CCDC7: variants seen among roughly 807,000 people sequenced by gnomAD.
The protein encoded by CCDC7 is coiled-coil domain-containing protein 7.
A neutral mutation model predicts 196.9 loss-of-function variants in CCDC7; 183 were observed. The ratio of observed to expected loss-of-function variants is 0.93; its 90% CI spans 0.82 to 1.05. The LOEUF is 1.05. Among genes scored for constraint, CCDC7 ranks in the 50% least tolerant of loss-of-function variants. CCDC7 has a pLI of 0.00. For synonymous variants in CCDC7, 525 were observed against 484.6 expected (o/e 1.08, Z -1.10); for missense variants, 1,540 against 1,482.2 (o/e 1.04, Z -0.64).
chr10:32,634,333 A>G (rs1369237291), exon 19 of CCDC7: 1 of 1,189,012 alleles, frequency 8.4e-7, no homozygotes, highest in East Asian at 3.2e-5. Context: ...AACAAATGAA[A>G]CAAAGAACTT....
At chr10:32,471,111 C>A in exon 6 of CCDC7, 3 of 1,611,604 alleles carry the variant, frequency 1.9e-6, no homozygotes, top group Non-Finnish European at 2.5e-6. Context: ...CAAAACCTGA[C>A]AAAACAGTCA....
intron 20 of CCDC7, among the ~76,000 whole-genome samples, chr10:32,650,873 G>A (rs2068633665): frequency 6.6e-6 from 1 of 152,274 alleles, no homozygotes; most frequent in Non-Finnish European, 1.5e-5. Flanking sequence ...GGGCAGTGGA[G>A]GCTGCATTAT....
intron 18 of CCDC7, 48 bp from the exon 20 acceptor site, chr10:32,634,206 A>C: frequency 1.2e-6 from 1 of 835,670 alleles, no homozygotes; most frequent in East Asian, 3.4e-5. Flanking sequence ...AGATTTCACA[A>C]TAGAGCTCTT....
Position 32,511,799 on chromosome 10 carries a change from CGACAAT to C in CCDC7, c.873-6142_873-6137del. The C allele has an allele frequency of 2.5e-6, 3 of 1,187,698 alleles. No homozygotes were observed. The East Asian group carries it at 7.4e-5, about 29-fold the overall frequency. 73.6% of individuals were successfully genotyped at this position (1,187,698 alleles called of 1,614,324 possible). A position where few individuals can be genotyped will look rare whatever the true frequency, so the allele number is the denominator to read the frequency against. The stretch of plus-strand genomic sequence containing the variant: ...CCGGAAAGCGGTCGGGCAACGATGA[CGACAAT>C]GACGCGCCAGCTCTGCCCGCGCCAC... On this transcript the variant is annotated intron_variant, in intron 9 of 41. Coordinates refer to ENST00000639629, the Ensembl canonical transcript of CCDC7.
chr10:32,640,060 C>T (rs1162457423), intron 20 of CCDC7, among the ~76,000 whole-genome samples: 1 of 152,130 alleles, frequency 6.6e-6, no homozygotes, highest in Non-Finnish European at 1.5e-5. Flanking sequence ...ATTAGGTCTT[C>T]TTGGTGCAGA....
At chr10:32,607,060 G>C (rs1159137511) in intron 18 of CCDC7, among the ~76,000 whole-genome samples, 1 of 152,132 alleles carries the variant, frequency 6.6e-6, no homozygotes, top group African/African-American at 2.4e-5. Flanking sequence ...CCCGTGGCTT[G>C]GTGCCGTTCT....
chr10:32,524,070 T>G (rs1359330499), intron 11 of CCDC7, among the ~76,000 whole-genome samples: 3 of 88,900 alleles, frequency 3.4e-5, no homozygotes, highest in South Asian at 3.3e-4. Flanking sequence ...CTTCCTTCTG[T>G]CTTTTTTTTT....
intron 11 of CCDC7, among the ~76,000 whole-genome samples, chr10:32,527,369 AG>A (rs2048839057): frequency 6.6e-6 from 1 of 152,210 alleles, no homozygotes; most frequent in Non-Finnish European, 1.5e-5. Flanking sequence ...AGTTAAAACG[AG>A]GAACTGCGAT....
At chr10:32,452,231 T>G (rs2033260101) in intron 1 of CCDC7, among the ~76,000 whole-genome samples, 1 of 152,192 alleles carries the variant, frequency 6.6e-6, no homozygotes, top group Non-Finnish European at 1.5e-5. Flanking sequence ...TACTATTCAC[T>G]CTGTGCTTAG....
chr10:32,644,110 TG>T (rs1236047651), intron 20 of CCDC7, among the ~76,000 whole-genome samples: 1 of 152,176 alleles, frequency 6.6e-6, no homozygotes, highest in Non-Finnish European at 1.5e-5. Context: ...GGGTACAATA[TG>T]GTGTTTTAGT....
At chr10:32,751,779 A>T (rs190560623) in intron 28 of CCDC7, among the ~76,000 whole-genome samples, 1 of 152,198 alleles carries the variant, frequency 6.6e-6, no homozygotes, top group East Asian at 1.9e-4. Context: ...ATAGGCATGA[A>T]CTCATTATGA....
chr10:32,671,103 G>A (rs931626571), intron 21 of CCDC7, among the ~76,000 whole-genome samples: 2 of 152,126 alleles, frequency 1.3e-5, no homozygotes, highest in Admixed American at 6.6e-5. Flanking sequence ...AAAATTTAGT[G>A]TAACCCAAGT....
intron 9 of CCDC7, 105 bp downstream of exon 10, chr10:32,492,102 C>G: frequency 8.9e-7 from 1 of 1,124,534 alleles, no homozygotes; most frequent in Non-Finnish European, 1.2e-6. Flanking sequence ...AAAGTTAGTA[C>G]GTGTTTATTG....
At chr10:32,729,772 AAC>A (rs928285702) in intron 28 of CCDC7, among the ~76,000 whole-genome samples, 3 of 152,250 alleles carry the variant, frequency 2.0e-5, no homozygotes, top group South Asian at 2.1e-4. Context: ...TTCTTCAAAA[AAC>A]AGTTTTTTCC....
At chr10:32,505,192 A>T (rs552400073) in intron 9 of CCDC7, among the ~76,000 whole-genome samples, 2 of 151,060 alleles carry the variant, frequency 1.3e-5, no homozygotes, top group South Asian at 2.1e-4. Context: ...TTATTTATTT[A>T]TTTTTTAGTA....
At chr10:32,752,745 A>G (rs986392236) in intron 28 of CCDC7, among the ~76,000 whole-genome samples, 1 of 152,224 alleles carries the variant, frequency 6.6e-6, no homozygotes, top group Non-Finnish European at 1.5e-5. Flanking sequence ...CAATGATATT[A>G]CATATCTGTA....
At chr10:32,547,506 G>A (rs1376847828) in intron 13 of CCDC7, among the ~76,000 whole-genome samples, 2 of 151,978 alleles carry the variant, frequency 1.3e-5, no homozygotes, top group Non-Finnish European at 2.9e-5. Context: ...ACACTCAGAG[G>A]GGCTGGATTA....
intron 16 of CCDC7, 141 bp downstream of exon 17, chr10:32,572,034 T>C (rs1383187298): frequency 1.3e-6 from 1 of 740,872 alleles, no homozygotes; most frequent in Non-Finnish European, 1.9e-6. Context: ...TTAGAAACTT[T>C]AGATATCAAA....
intron 18 of CCDC7, among the ~76,000 whole-genome samples, chr10:32,596,545 T>C (rs543987501): frequency 6.6e-6 from 1 of 152,176 alleles, no homozygotes; most frequent in Non-Finnish European, 1.5e-5. Flanking sequence ...AAGGTTAATA[T>C]TGTTATGTGT....
Sources: allele counts gnomAD v4.1 joint callset (sites outside exome capture counted in the v4.1 genomes callset), GRCh38; gene constraint gnomAD v4.1.1; transcripts MANE v1.5; gene names NCBI Gene and HGNC (gene_info 2026-07-23, HGNC 2026-07-21).